CNBD2: variants seen among roughly 807,000 people sequenced by gnomAD.
The protein encoded by CNBD2 is cyclic nucleotide binding domain containing 2, also known as cyclic nucleotide-binding domain-containing protein 2.
A neutral mutation model predicts 63.7 loss-of-function variants in CNBD2; 64 were observed. The ratio of observed to expected loss-of-function variants is 1.00; its 90% CI spans 0.82 to 1.24. The LOEUF is 1.24. CNBD2 is among the 50% of genes most tolerant of loss of function. CNBD2 has a pLI of 0.00. For missense variants in CNBD2, 691 were observed against 713.5 expected (o/e 0.97, Z 0.36); for synonymous variants, 229 against 255.4 (o/e 0.90, Z 0.99).
chr20:35,999,798 C>T (rs907843571), intron 8 of CNBD2, among the ~76,000 whole-genome samples: 2 of 152,028 alleles, frequency 1.3e-5, no homozygotes, highest in African/African-American at 4.8e-5. Context: ...CTGCCTCAGC[C>T]TCCCTAGTAG....
At chr20:36,001,794 C>A (rs1290696900) in intron 8 of CNBD2, among the ~76,000 whole-genome samples, 1 of 141,168 alleles carries the variant, frequency 7.1e-6, no homozygotes, top group South Asian at 2.3e-4. Flanking sequence ...ACATCTCAGA[C>A]GATGGGCGGC....
intron 1 of CNBD2, among the ~76,000 whole-genome samples, chr20:35,970,722 TTTG>T (rs1243210994): frequency 2.6e-5 from 4 of 151,050 alleles, no homozygotes; most frequent in African/African-American, 4.9e-5. Context: ...TTTGTTTCAT[TTTG>T]TTGTTGTTGT....
At position 36,028,193 on chromosome 20, in the gene CNBD2, G is replaced by A. The variant is rs1221687438; in HGVS notation, c.1440-2164G>A. On this transcript the variant is annotated intron_variant, in intron 11 of 11. Coordinates refer to ENST00000373973, the MANE Select transcript of CNBD2 (RefSeq NM_001365709.1). ...GCTCCTTGCATATTGCCTGGCACAT[G>A]ATGGGGATCAGTTAATATCTGTTGA... is the stretch of plus-strand genomic sequence containing the variant. Among the ~76,000 whole-genome samples the A allele has an allele frequency of 2.6e-5, 4 of 152,160 alleles. No homozygotes were observed. The East Asian group carries it at 7.7e-4, about 29-fold the overall frequency.
chr20:35,994,028 C>G (rs113274062), intron 7 of CNBD2, among the ~76,000 whole-genome samples: 1 of 149,644 alleles, frequency 6.7e-6, no homozygotes. Context: ...TACAGGCATG[C>G]GCCACCATGC....
chr20:35,958,734 C>A (rs2056281818), downstream of CNBD2: 1 of 152,206 alleles, frequency 6.6e-6, no homozygotes, highest in African/African-American at 2.4e-5. Flanking sequence ...CTGATCACCA[C>A]AGAGATCCCT....
chr20:36,002,459 T>C (rs943795685), intron 8 of CNBD2, among the ~76,000 whole-genome samples: 1 of 151,784 alleles, frequency 6.6e-6, no homozygotes, highest in African/African-American at 2.4e-5. Context: ...AGAGCCTAAT[T>C]TTTGTATTTT....
At chr20:35,978,580 G>A (rs530965593) in intron 3 of CNBD2, among the ~76,000 whole-genome samples, 25 of 152,234 alleles carry the variant, frequency 1.6e-4, no homozygotes, top group Middle Eastern at 3.4e-3. Context: ...TCCTGACCTC[G>A]TGATCCGTCC....
At chr20:35,960,509 G>GTTTT in intron 2 of CNBD2, among the ~76,000 whole-genome samples, 1 of 152,098 alleles carries the variant, frequency 6.6e-6, no homozygotes, top group Non-Finnish European at 1.5e-5. Flanking sequence ...CCCACTAATT[G>GTTTT]TTTTTTTGTT....
rs777670434 is a variant in CNBD2 at position 35,995,047 on chromosome 20, G to A, written c.865G>A (p.Glu289Lys). The A allele has an allele frequency of 1.4e-5, 23 of 1,613,888 alleles. No individual in the cohort carries two copies. The highest frequency in any genetic ancestry group is 1.9e-5 in the Non-Finnish European group (23 of 1,179,738). ...FIMFISKGSC[E>K]VLRLLDLGAS... ...CCCTTGCTGTGTTCAGGGCAGCTGT[G>A]AAGTCCTGCGGCTGTTGGACCTTGG... The change falls in exon 8 of 12, where the codon GAA (glutamate) becomes AAA (lysine). Residue 289 changes from glutamate (E) to lysine (K), a missense_variant. Transcript: ENST00000373973.
chr20:35,966,556 A>G (rs144626888), upstream of CNBD2, among the ~76,000 whole-genome samples: 167 of 152,334 alleles, frequency 1.1e-3, 1 homozygote, highest in South Asian at 2.1e-3. Context: ...ATTTTTCTAT[A>G]TCTTTAGAAG....
At chr20:36,020,018 C>A (rs560400558) in intron 10 of CNBD2, among the ~76,000 whole-genome samples, 3 of 152,166 alleles carry the variant, frequency 2.0e-5, no homozygotes, top group African/African-American at 2.4e-5. Flanking sequence ...GAAGACAGAC[C>A]ACCTGATTCA....
At chr20:36,012,578 G>T (rs1185740808) in intron 10 of CNBD2, among the ~76,000 whole-genome samples, 1 of 151,694 alleles carries the variant, frequency 6.6e-6, no homozygotes. Context: ...CGTGGCTCAC[G>T]CCTGTAATCC....
chr20:35,971,478 C>T (rs762746271), intron 1 of CNBD2, among the ~76,000 whole-genome samples: 3 of 151,840 alleles, frequency 2.0e-5, no homozygotes, highest in African/African-American at 4.8e-5. Flanking sequence ...TGCAGAGGCG[C>T]GATCTCAGCT....
intron 3 of CNBD2, 139 bp from the exon 4 acceptor site, chr20:35,980,320 C>A: frequency 1.4e-6 from 1 of 712,496 alleles, no homozygotes; most frequent in Non-Finnish European, 2.4e-6. Context: ...CAGTGCCTGA[C>A]ACACAGTAAG....
At chr20:35,981,710 G>T (rs1432610178) in intron 4 of CNBD2, among the ~76,000 whole-genome samples, 1 of 152,070 alleles carries the variant, frequency 6.6e-6, no homozygotes, top group African/African-American at 2.4e-5. Flanking sequence ...AAAATGCTGG[G>T]ATTACAGACG....
At chr20:36,022,217 T>TTTTTTTTTTTTTTTTTTTG (rs561441076) in intron 10 of CNBD2, among the ~76,000 whole-genome samples, 3 of 107,116 alleles carry the variant, frequency 2.8e-5, no homozygotes, top group African/African-American at 4.9e-5. Flanking sequence ...TTTTTTTTTT[T>TTTTTTTTTTTTTTTTTTTG]GAGATGGAGT....
intron 8 of CNBD2, among the ~76,000 whole-genome samples, chr20:36,001,267 G>A (rs1189569817): frequency 4.6e-5 from 7 of 151,600 alleles, no homozygotes; most frequent in South Asian, 4.2e-4. Flanking sequence ...CCTCCCAGAC[G>A]GGGTGGTGGC....
rs113954528 is a variant in CNBD2 at position 36,016,992 on chromosome 20, G to A, written c.1269+5735G>A. 2.1e-3 allele frequency among the ~76,000 whole-genome samples: 310 copies of A among 150,840 alleles called. 1 individual carries two copies. The highest frequency in any genetic ancestry group is 6.8e-3 in the African/African-American group (279 of 40,984). On this transcript the variant is annotated intron_variant, in intron 10 of 11. Transcript: ENST00000373973. Reference sequence around the variant, plus strand: ...GAGGATTGCTTGACCCTGTGAAGTCGAGGCTGCAGTGAGCCATGATTGTGT... The same window carrying A: ...GAGGATTGCTTGACCCTGTGAAGTCAAGGCTGCAGTGAGCCATGATTGTGT...
downstream of CNBD2, chr20:35,955,392 C>A (rs2056244642): frequency 6.6e-6 from 1 of 152,120 alleles, no homozygotes; most frequent in East Asian, 1.9e-4. Context: ...TTTTTAAATG[C>A]AGCTTCTAAA....
Sources: allele counts gnomAD v4.1 joint callset (sites outside exome capture counted in the v4.1 genomes callset), GRCh38; gene constraint gnomAD v4.1.1; transcripts MANE v1.5; gene names NCBI Gene and HGNC (gene_info 2026-07-23, HGNC 2026-07-21).